Variants in FANCI observed in about 807,000 individuals in gnomAD.
FANCI encodes FA complementation group I, also known as Fanconi anemia group I protein.
In FANCI, 156 loss-of-function variants were observed where a neutral mutation model predicts 176.1. The observed-to-expected ratio is 0.89, with a 90% CI of 0.78 to 1.01. FANCI has a LOEUF of 1.01. FANCI is among the 50% of genes least tolerant of loss of function. The probability of loss-of-function intolerance (pLI) is 0.00; values close to 1 mark genes in which losing one functional copy is unlikely to be tolerated. For synonymous variants in FANCI, 613 were observed against 541.7 expected, an observed-to-expected ratio of 1.13 and a Z score of -1.83; for missense variants, 1,678 against 1,534.1, an observed-to-expected ratio of 1.09 and a Z score of -1.57.
At chr15:89,280,183 A>T (rs570280793) in intron 14 of FANCI, among the ~76,000 whole-genome samples, 6 of 152,044 alleles carry the variant, frequency 3.9e-5, no homozygotes, top group Non-Finnish European at 8.8e-5. Context: ...CACCACACCC[A>T]GCTAATTTTT....
At chr15:89,273,598 CA>C (rs1249285438) in intron 11 of FANCI, 129 bp downstream of exon 11, 2 of 664,350 alleles carry the variant, frequency 3.0e-6, no homozygotes, top group Non-Finnish European at 5.4e-6. Flanking sequence ...CTGCCAGCAG[CA>C]AAGCTGCAAT....
intron 34 of FANCI, chr15:89,308,042 A>C: frequency 1.7e-6 from 2 of 1,171,570 alleles, no homozygotes; most frequent in Non-Finnish European, 2.1e-6. Flanking sequence ...GGTTGTGATG[A>C]GACGGCAGTG....
intron 2 of FANCI, among the ~76,000 whole-genome samples, chr15:89,251,868 T>C (rs529844765): frequency 6.6e-6 from 1 of 152,332 alleles, no homozygotes; most frequent in Non-Finnish European, 1.5e-5. Flanking sequence ...AGAGTCAGCA[T>C]CTTAGTGGGA....
intron 10 of FANCI, among the ~76,000 whole-genome samples, chr15:89,271,870 A>G (rs1334054192): frequency 6.6e-6 from 1 of 152,140 alleles, no homozygotes; most frequent in Non-Finnish European, 1.5e-5. Flanking sequence ...GGACATTTGA[A>G]TTGTTTCTAC....
Position 89,291,586 on chromosome 15 carries a change from A to G in FANCI, c.1891-27A>G, listed in dbSNP as rs746705239. The G allele has an allele frequency of 1.9e-6, 3 of 1,575,212 alleles. No individual in the cohort carries two copies. The East Asian group carries it at 6.7e-5, about 35-fold the overall frequency. On this transcript the variant is annotated intron_variant, in intron 19 of 37. Transcript: ENST00000310775. ...AAGTAAAAAGCATTTATGAGCCAAG[A>G]TGTCTTTTTTTTCTTACTATACACA...
intron 13 of FANCI, among the ~76,000 whole-genome samples, chr15:89,277,491 C>T (rs1313464643): frequency 6.6e-6 from 1 of 151,686 alleles, no homozygotes; most frequent in Non-Finnish European, 1.5e-5. Flanking sequence ...TGGCACGCAC[C>T]TGCAGTCCCA....
At position 89,264,527 on chromosome 15, in the gene FANCI, CAGAA is replaced by C. The variant is rs2151304648; in HGVS notation, c.679_682del (p.Lys227ValfsTer7). ...CAATTTTGTATTGTTTTCAGGGAAG[CAGAA>C]AGAGTGTTTTGGAAGGAATCATAGC... On this transcript the variant is annotated frameshift_variant, in exon 9 of 38. Transcript: ENST00000310775. LOFTEE classifies it high-confidence loss of function. The C allele has an allele frequency of 3.1e-6, 5 of 1,613,430 alleles. No homozygotes were observed. Among genetic ancestry groups the C allele is most frequent in the South Asian group, 1.1e-5 (1 of 91,068 alleles).
chr15:89,268,856 AT>A lies in FANCI; in HGVS notation c.882+333del, dbSNP rs143622227. 2.7e-3 allele frequency among the ~76,000 whole-genome samples: 410 copies of A among 152,290 alleles called. 8 individuals are homozygous for A. The highest frequency in any genetic ancestry group is 0.015 in the East Asian group (76 of 5,186). ...AAACTCAAAATCTAATTCTAAGTAG[AT>A]TATGTGTCACTGTCTTATGTGACCT... is the stretch of plus-strand genomic sequence containing the variant. On this transcript the variant is annotated intron_variant, in intron 10 of 37. Transcript: ENST00000310775.
At chr15:89,261,169 G>A (rs2052697138) in intron 4 of FANCI, among the ~76,000 whole-genome samples, 1 of 152,152 alleles carries the variant, frequency 6.6e-6, no homozygotes, top group Non-Finnish European at 1.5e-5. Context: ...TACTTGGGAG[G>A]CTGAGGCAGG....
rs1275616370 is a variant in FANCI, at chr15:89,316,399, C to T, written c.3927C>T (p.Gly1309=). The T allele has an allele frequency of 1.2e-6, 2 of 1,611,648 alleles. No individual in the cohort carries two copies. Among genetic ancestry groups the T allele is most frequent in the Admixed American group, 1.7e-5 (1 of 59,846 alleles). ...REDGEDENEE[G]TASEHGGQNK... is the part of the protein sequence containing the mutation. ...GCATTAATTCTTTCCCCTTCTAGGG[C>T]ACTGCATCAGAGCATGGGGGACAGA... The change falls in exon 38 of 38, where the codon GGC becomes GGT. Residue 1309 remains glycine, a splice_region_variant and synonymous_variant. Coordinates refer to ENST00000310775, the MANE Select transcript of FANCI (RefSeq NM_001113378.2).
At chr15:89,285,331 C>T (rs2151612916) in intron 18 of FANCI, 113 bp downstream of exon 18, 1 of 1,388,672 alleles carries the variant, frequency 7.2e-7, no homozygotes, top group African/African-American at 1.4e-5. Flanking sequence ...TTGATGTAGT[C>T]AGCACCAGTA....
In FANCI at chr15:89,253,875, TAAGAA is replaced by T. The variant is rs576014191; in HGVS notation, c.85-4826_85-4822del. 8.1e-3 allele frequency among the ~76,000 whole-genome samples: 1,192 copies of T among 146,906 alleles called. 5 individuals are homozygous for T. Among genetic ancestry groups the T allele is most frequent in the Middle Eastern group, 0.014 (4 of 282 alleles). On this transcript the variant is annotated intron_variant, in intron 2 of 37. Transcript: ENST00000310775. ...AGATATATAAAAATGGCCTTAAACA[TAAGAA>T]AATATGCTCAACTTCACTCATAATA...
chr15:89,290,600 G>T, intron 19 of FANCI: 2 of 270,504 alleles, frequency 7.4e-6, no homozygotes, highest in Non-Finnish European at 1.4e-5. Context: ...AAAGAAAAAA[G>T]AAATCCAAAA....
At chr15:89,265,339 C>G (rs570123730) in intron 9 of FANCI, among the ~76,000 whole-genome samples, 2 of 152,250 alleles carry the variant, frequency 1.3e-5, no homozygotes, top group East Asian at 3.9e-4. Flanking sequence ...TCCTGAGTAT[C>G]TGGTACTACA....
intron 17 of FANCI, among the ~76,000 whole-genome samples, chr15:89,284,639 A>G (rs1333812925): frequency 1.3e-5 from 2 of 152,222 alleles, no homozygotes; most frequent in Non-Finnish European, 2.9e-5. Context: ...TGATTTTATT[A>G]TGTAATTTAC....
intron 2 of FANCI, among the ~76,000 whole-genome samples, chr15:89,256,998 C>A (rs528229667): frequency 6.6e-6 from 1 of 152,268 alleles, no homozygotes; most frequent in East Asian, 1.9e-4. Flanking sequence ...GCTCCGCTTC[C>A]CGGGTTCATG....
chr15:89,247,018 C>T (rs2052016699), intron 1 of FANCI, among the ~76,000 whole-genome samples: 1 of 151,424 alleles, frequency 6.6e-6, no homozygotes. Context: ...ATCTGCCCTC[C>T]TCAGCCTCCC....
At chr15:89,265,710 C>T (rs372116508) in intron 9 of FANCI, among the ~76,000 whole-genome samples, 1 of 150,792 alleles carries the variant, frequency 6.6e-6, no homozygotes. Flanking sequence ...TTTTTAGTAG[C>T]GATGGGGTTT....
chr15:89,274,599 C>CTTTTTTTTTTTTTTTTTTT lies in FANCI; in HGVS notation c.1112+300_1112+318dup, dbSNP rs1157910630. Among the ~76,000 whole-genome samples, 24 of 82,836 alleles carry CTTTTTTTTTTTTTTTTTTT rather than the reference C, an allele frequency of 2.9e-4. 1 individual carries two copies. Among genetic ancestry groups the CTTTTTTTTTTTTTTTTTTT allele is most frequent in the Non-Finnish European group, 4.8e-4 (22 of 46,312 alleles). The allele number at this position is 82,836 out of a possible 152,430, so 54.3% of individuals were successfully genotyped here. A position where few individuals can be genotyped will look rare whatever the true frequency, so the allele number is the denominator to read the frequency against. ...TCTCTATTTTCCTTTTCTTTCTTTCCTTTTTTTTTTTTTTTTTTTTTTTGA... is the reference window on the plus strand; with the variant it reads ...TCTCTATTTTCCTTTTCTTTCTTTCCTTTTTTTTTTTTTTTTTTTTTTTTTTTTTTTTTTTTTTTTTTGA... On this transcript the variant is annotated intron_variant, in intron 12 of 37. Coordinates refer to ENST00000310775, the MANE Select transcript of FANCI (RefSeq NM_001113378.2).
Sources: gnomAD v4.1 joint callset for allele counts (sites outside exome capture counted in the v4.1 genomes callset) on GRCh38, gnomAD v4.1.1 for gene constraint, MANE v1.5 for transcripts, NCBI Gene and HGNC (gene_info 2026-07-23, HGNC 2026-07-21) for gene names.